CNTNAP2: variants seen among roughly 807,000 people sequenced by gnomAD.
CNTNAP2 encodes the protein contactin associated protein 2, also known as contactin-associated protein-like 2.
A neutral mutation model predicts 155.2 loss-of-function variants in CNTNAP2; 98 were observed. The ratio of observed to expected loss-of-function variants is 0.63; its 90% CI spans 0.54 to 0.75. The LOEUF is 0.75. Among genes scored for constraint, CNTNAP2 ranks in the 30% least tolerant of loss-of-function variants. The pLI is 0.00. For synonymous variants in CNTNAP2, 651 were observed against 631.2 expected (o/e 1.03, Z -0.47); for missense variants, 1,727 against 1,688.1 (o/e 1.02, Z -0.40).
intron 15 of CNTNAP2, among the ~76,000 whole-genome samples, chr7:148,052,879 T>C (rs1042788822): frequency 2.6e-5 from 4 of 152,162 alleles, no homozygotes; most frequent in African/African-American, 7.2e-5. Context: ...AAACCTCATA[T>C]CTAGTAAAAA....
intron 2 of CNTNAP2, among the ~76,000 whole-genome samples, chr7:146,799,571 G>A (rs974078806): frequency 6.6e-6 from 1 of 152,170 alleles, no homozygotes; most frequent in South Asian, 2.1e-4. Flanking sequence ...AAGAGCTTGA[G>A]TAGCGCTAAG....
At chr7:146,767,384 A>T (rs1802215216) in intron 1 of CNTNAP2, among the ~76,000 whole-genome samples, 1 of 151,650 alleles carries the variant, frequency 6.6e-6, no homozygotes, top group African/African-American at 2.4e-5. Context: ...CCAGATTGTA[A>T]ATGTTTTTTG....
chr7:148,174,278 A>C (rs1306046116), intron 18 of CNTNAP2, among the ~76,000 whole-genome samples: 1 of 152,210 alleles, frequency 6.6e-6, no homozygotes, highest in Non-Finnish European at 1.5e-5. Context: ...TTTCAGAGGA[A>C]TCCCACAGCT....
chr7:146,655,871 T>A (rs115104893), intron 1 of CNTNAP2, among the ~76,000 whole-genome samples: 1,589 of 152,292 alleles, frequency 0.01, 35 homozygotes, highest in African/African-American at 0.036. Flanking sequence ...AAAATAAAAT[T>A]TAATGTGACA....
intron 1 of CNTNAP2, among the ~76,000 whole-genome samples, chr7:146,452,663 T>C (rs574057292): frequency 6.6e-6 from 1 of 152,342 alleles, no homozygotes; most frequent in African/African-American, 2.4e-5. Context: ...TTCTCAGAGA[T>C]AATAAAAGCC....
intron 8 of CNTNAP2, among the ~76,000 whole-genome samples, chr7:147,149,150 AGAGTGCTGATTGGCCCATTTTATG>A (rs1801775702): frequency 1.3e-5 from 2 of 152,174 alleles, no homozygotes; most frequent in Middle Eastern, 3.2e-3. Context: ...TCCATTTTAT[AGAGTGCTGATTGGCCCATTTTATG>A]GAGTGCTGAT....
chr7:147,283,688 T>C lies in CNTNAP2; in HGVS notation c.1349-16453T>C, dbSNP rs112394549. ...GTATTGCTGGATGACATCTTCATCC[T>C]AATATTAGTATTCCAGAGAATTTCT... On this transcript the variant is annotated intron_variant, in intron 8 of 23. Coordinates refer to ENST00000361727, the MANE Select transcript of CNTNAP2 (RefSeq NM_014141.6). 7.7e-3 allele frequency among the ~76,000 whole-genome samples: 1,175 copies of C among 152,022 alleles called. 20 individuals are homozygous for C. Among genetic ancestry groups the C allele is most frequent in the African/African-American group, 0.027 (1,117 of 41,526 alleles).
At position 147,504,865 on chromosome 7, in the gene CNTNAP2, G is replaced by A. The variant is rs190385058; in HGVS notation, c.1777+18824G>A. Among the ~76,000 whole-genome samples the A allele has an allele frequency of 3.2e-4, 48 of 150,158 alleles. No individual in the cohort carries two copies. In the East Asian group the frequency reaches 6.2e-3, roughly 20 times the overall value. On this transcript the variant is annotated intron_variant, in intron 11 of 23. Transcript: ENST00000361727. ...GAATCAGAAAGACTCATTTTTCCAG[G>A]CATTTTGGGTTAGGGAAAATCTGTC...
chr7:146,595,460 G>A (rs1584998724), intron 1 of CNTNAP2, among the ~76,000 whole-genome samples: 1 of 152,132 alleles, frequency 6.6e-6, no homozygotes, highest in Non-Finnish European at 1.5e-5. Flanking sequence ...TTTTCAGAAA[G>A]ATTTGAAGAA....
intron 14 of CNTNAP2, among the ~76,000 whole-genome samples, chr7:147,951,086 T>C (rs1014866244): frequency 1.3e-5 from 2 of 152,212 alleles, no homozygotes; most frequent in African/African-American, 4.8e-5. Context: ...TACTCCTATC[T>C]TGGTAATTAT....
chr7:147,128,248 T>A (rs1415473991), intron 6 of CNTNAP2, among the ~76,000 whole-genome samples: 1 of 152,202 alleles, frequency 6.6e-6, no homozygotes, highest in Non-Finnish European at 1.5e-5. Context: ...AAATACGATA[T>A]CCCTTGCTTT....
chr7:146,816,762 G>T (rs1391681201), intron 2 of CNTNAP2, among the ~76,000 whole-genome samples: 1 of 152,018 alleles, frequency 6.6e-6, no homozygotes, highest in Non-Finnish European at 1.5e-5. Context: ...TCATGCCCTG[G>T]GTCAACATAC....
chr7:146,874,643 GT>G (rs1235467043), intron 3 of CNTNAP2, among the ~76,000 whole-genome samples: 1 of 152,084 alleles, frequency 6.6e-6, no homozygotes, highest in Non-Finnish European at 1.5e-5. Context: ...CTGGCCTCAT[GT>G]TTCTTTTTAT....
At chr7:146,658,611 A>G (rs1354583431) in intron 1 of CNTNAP2, among the ~76,000 whole-genome samples, 1 of 152,206 alleles carries the variant, frequency 6.6e-6, no homozygotes, top group Non-Finnish European at 1.5e-5. Flanking sequence ...GACATTGAAT[A>G]TACTGGAAGT....
At chr7:148,237,943 G>A (rs1465802710) in intron 20 of CNTNAP2, among the ~76,000 whole-genome samples, 1 of 152,186 alleles carries the variant, frequency 6.6e-6, no homozygotes, top group East Asian at 1.9e-4. Flanking sequence ...GTTAGGTAGT[G>A]CTCAAAGCCC....
chr7:146,923,125 C>A (rs1362949494), intron 3 of CNTNAP2, among the ~76,000 whole-genome samples: 1 of 152,148 alleles, frequency 6.6e-6, no homozygotes, highest in East Asian at 1.9e-4. Context: ...TCTTTTAAAG[C>A]TCAGTTTCCT....
At position 146,774,396 on chromosome 7, in the gene CNTNAP2, G is replaced by T; in HGVS notation, c.208+15G>T. ...CAAGAGAGGAGGTAAGCCAAATTTT[G>T]ATTCTTTTATCAATAAACATGTTAA... On this transcript the variant is annotated intron_variant, in intron 2 of 23. Transcript: ENST00000361727. 6.4e-7 allele frequency: 1 copy of T among 1,561,746 alleles called. No homozygotes were observed. Among genetic ancestry groups the T allele is most frequent in the South Asian group, 1.1e-5 (1 of 89,678 alleles).
intron 5 of CNTNAP2, among the ~76,000 whole-genome samples, chr7:147,118,549 G>A (rs184648531): frequency 5.3e-5 from 8 of 151,336 alleles, no homozygotes; most frequent in African/African-American, 1.7e-4. Context: ...ATGGGGATGC[G>A]TTCTGAGAAA....
At chr7:147,280,388 A>C (rs1418631448) in intron 8 of CNTNAP2, among the ~76,000 whole-genome samples, 1 of 151,926 alleles carries the variant, frequency 6.6e-6, no homozygotes, top group Non-Finnish European at 1.5e-5. Context: ...TCTTACAGGG[A>C]CGAAAAAATC....
Sources: gnomAD v4.1 joint callset for allele counts (sites outside exome capture counted in the v4.1 genomes callset) on GRCh38, gnomAD v4.1.1 for gene constraint, MANE v1.5 for transcripts, NCBI Gene and HGNC (gene_info 2026-07-23, HGNC 2026-07-21) for gene names.